API5: variants seen among roughly 807,000 people sequenced by gnomAD.
API5 encodes the protein apoptosis inhibitor 5.
API5 carries 6 observed loss-of-function variants against 71.9 expected under a neutral mutation model. The ratio of observed to expected loss-of-function variants is 0.08; its 90% CI spans 0.05 to 0.16. The LOEUF (loss-of-function observed/expected upper bound fraction) is 0.16, where lower values mean the gene tolerates loss of function less well. Among genes scored for constraint, API5 ranks in the 10% least tolerant of loss-of-function variants. The pLI is 1.00. For missense variants in API5, 332 were observed against 612.8 expected (o/e 0.54, Z 4.84); for synonymous variants, 189 against 221.3 (o/e 0.85, Z 1.30).
intron 13 of API5, among the ~76,000 whole-genome samples, chr11:43,338,763 C>A (rs1033696977): frequency 4.0e-5 from 6 of 151,110 alleles, no homozygotes; most frequent in Non-Finnish European, 8.8e-5. Context: ...TAGAGTGTAA[C>A]CTGAATTCAT....
At chr11:43,341,139 C>T (rs540380799) in intron 13 of API5, among the ~76,000 whole-genome samples, 3 of 152,050 alleles carry the variant, frequency 2.0e-5, no homozygotes, top group African/African-American at 7.2e-5. Context: ...CAAAAGAAGA[C>T]GTACAAATGG....
intron 1 of API5, among the ~76,000 whole-genome samples, chr11:43,314,677 C>G (rs534210624): frequency 2.0e-5 from 3 of 152,194 alleles, no homozygotes; most frequent in Non-Finnish European, 4.4e-5. Flanking sequence ...TGTCAAGCAA[C>G]TATTTAAACA....
intron 13 of API5, 60 bp from the exon 14 acceptor site, chr11:43,342,368 T>C (rs1855646431): frequency 7.0e-7 from 1 of 1,428,636 alleles, no homozygotes; most frequent in Non-Finnish European, 9.5e-7. Flanking sequence ...ACGTTTCTTC[T>C]GCGTTTGCTG....
rs901942983 is a variant in API5, at chr11:43,330,285, C to T, written c.1222-223C>T. On this transcript the variant is annotated intron_variant, in intron 10 of 13. Transcript: ENST00000531273. ...TACTCATTTTTTAGCTACATTCTAA[C>T]CTGTCAAGGGAACACAGATTATTTG... 4 of 615,664 alleles carry T rather than the reference C, an allele frequency of 6.5e-6. No homozygotes were observed. The Admixed American group carries it at 9.4e-5, about 15-fold the overall frequency. The allele number at this position is 615,664 out of a possible 1,614,324, so 38.1% of individuals were successfully genotyped here. A position where few individuals can be genotyped will look rare whatever the true frequency, so the allele number is the denominator to read the frequency against.
intron 6 of API5, 23 bp from the exon 7 acceptor site, chr11:43,326,484 C>T (rs1855079005): frequency 7.0e-7 from 1 of 1,427,508 alleles, no homozygotes; most frequent in Admixed American, 1.8e-5. Flanking sequence ...TTCGACAATG[C>T]ATTTTCTTTG....
intron 9 of API5, 38 bp from the exon 10 acceptor site, chr11:43,329,927 G>A: frequency 6.4e-7 from 1 of 1,570,598 alleles, no homozygotes. Flanking sequence ...CAAAATTGAA[G>A]TGATGAATTG....
chr11:43,341,657 T>G (rs373638616), intron 13 of API5, among the ~76,000 whole-genome samples: 1 of 152,146 alleles, frequency 6.6e-6, no homozygotes, highest in Non-Finnish European at 1.5e-5. Flanking sequence ...AGCCCTAGTG[T>G]TGTGTACCAC....
chr11:43,334,808 G>T (rs557666024), intron 11 of API5, among the ~76,000 whole-genome samples: 1 of 151,672 alleles, frequency 6.6e-6, no homozygotes. Flanking sequence ...AGTTTTAGTG[G>T]TTTTTTTTGT....
At chr11:43,314,621 A>G (rs1854607421) in intron 1 of API5, among the ~76,000 whole-genome samples, 1 of 152,200 alleles carries the variant, frequency 6.6e-6, no homozygotes, top group Non-Finnish European at 1.5e-5. Flanking sequence ...AATTTAACAC[A>G]ATTCTCTGTA....
intron 12 of API5, 76 bp from the exon 13 acceptor site, chr11:43,335,781 AT>A (rs1661447080): frequency 6.9e-7 from 1 of 1,450,998 alleles, no homozygotes; most frequent in Non-Finnish European, 9.2e-7. Flanking sequence ...CCTAACTGAT[AT>A]GCTAAATTAT....
Position 43,326,584 on chromosome 11 carries a change from A to G in API5, c.828A>G (p.Pro276=), listed in dbSNP as rs1252123478. ...CTAACCTCGGTACCTTGACTACCCC[A>G]GTGGAAGGTCTTGATATACAGTTGG... ...VLPNLGTLTT[P]VEGLDIQLEV... is the part of the protein sequence containing the mutation. The change falls in exon 7 of 14, where the codon CCA becomes CCG. Residue 276 remains proline (P), a synonymous_variant. Coordinates refer to ENST00000531273, the MANE Select transcript of API5 (RefSeq NM_001142930.2). 2 of 1,609,080 alleles carry G rather than the reference A, an allele frequency of 1.2e-6. No individual in the cohort carries two copies. Among genetic ancestry groups the G allele is most frequent in the Non-Finnish European group, 1.7e-6 (2 of 1,177,080 alleles).
At chr11:43,312,915 T>A (rs1854534267) in intron 1 of API5, among the ~76,000 whole-genome samples, 1 of 152,040 alleles carries the variant, frequency 6.6e-6, no homozygotes, top group Non-Finnish European at 1.5e-5. Flanking sequence ...GAGACCAGCC[T>A]GACCCACATG....
At chr11:43,326,168 A>AT (rs1239898805) in intron 6 of API5, among the ~76,000 whole-genome samples, 2 of 152,200 alleles carry the variant, frequency 1.3e-5, no homozygotes, top group African/African-American at 4.8e-5. Flanking sequence ...AAAAGACTGC[A>AT]TTGACATGGT....
chr11:43,323,835 A>G (rs1854976619), intron 6 of API5, among the ~76,000 whole-genome samples, 199 bp downstream of exon 6: 1 of 152,124 alleles, frequency 6.6e-6, no homozygotes, highest in Non-Finnish European at 1.5e-5. Flanking sequence ...AAAACCTGAA[A>G]TGCTTTAATG....
chr11:43,340,305 C>G (rs562681237), intron 13 of API5: 81 of 240,194 alleles, frequency 3.4e-4, no homozygotes, highest in African/African-American at 1.7e-3. Flanking sequence ...TTGAAAGACA[C>G]TCCGTACTCA....
In API5 at chr11:43,335,339, A is replaced by G. The variant is rs761299325; in HGVS notation, c.1340A>G (p.Gln447Arg). ...GTAACACTATCCTGGAAACCTGTAC[A>G]AAAGGTTGAGATTGGGTAAGAAATA... is the stretch of plus-strand genomic sequence containing the variant. ...STVTLSWKPV[Q>R]KVEIGQKRAS... The change falls in exon 12 of 14, where the codon CAA becomes CGA. Residue 447 changes from glutamine (Q) to arginine (R), a missense_variant. Coordinates refer to ENST00000531273, the MANE Select transcript of API5 (RefSeq NM_001142930.2). The G allele has an allele frequency of 1.4e-5, 22 of 1,597,642 alleles. No homozygotes were observed. The Admixed American group carries it at 3.7e-4, about 27-fold the overall frequency.
rs1483002899 is a variant in API5 at position 43,321,401 on chromosome 11, C to G, written c.326-10C>G. 1 of 1,598,468 alleles carries G rather than the reference C, an allele frequency of 6.3e-7. No homozygotes were observed. Among genetic ancestry groups the G allele is most frequent in the South Asian group, 1.1e-5 (1 of 88,226 alleles). ...TTTTATATTCATTATGCCACTTTTT[C>G]TTTATCCAGATGACTCTGCAGAATT... On this transcript the variant is annotated splice_polypyrimidine_tract_variant and intron_variant, in intron 3 of 13. Coordinates refer to ENST00000531273, the MANE Select transcript of API5 (RefSeq NM_001142930.2).
chr11:43,323,541 G>C lies in API5; in HGVS notation c.655G>C (p.Glu219Gln). The C allele has an allele frequency of 1.2e-6, 2 of 1,614,184 alleles. No individual in the cohort carries two copies. Among genetic ancestry groups the C allele is most frequent in the Non-Finnish European group, 1.7e-6 (2 of 1,180,018 alleles). Residue 219 changes from glutamate to glutamine, a missense_variant, in exon 6 of 14, where the codon GAA becomes CAA. By Grantham distance (29) the Glu-to-Gln change is conservative. This residue lies in a region of API5 where 37 missense variants were observed against 31.3 expected (regional missense o/e 1.18). Coordinates refer to ENST00000531273, the MANE Select transcript of API5 (RefSeq NM_001142930.2). ...ACAGCAACTTGTAGAGTTGGTGGCT[G>C]AACAGGCCGACCTAGAACAGACCTT... Reference protein sequence around the residue: ...GRQQLVELVAEQADLEQTFNP... With the variant: ...GRQQLVELVAQQADLEQTFNP...
At chr11:43,323,369 G>A (rs1854959208) in intron 5 of API5, 61 bp from the exon 6 acceptor site, 1 of 1,375,974 alleles carries the variant, frequency 7.3e-7, no homozygotes, top group Non-Finnish European at 1.0e-6. Flanking sequence ...TTCTCTTTCA[G>A]TGTTGATCTG....
Sources: allele counts gnomAD v4.1 joint callset (sites outside exome capture counted in the v4.1 genomes callset), GRCh38; gene constraint gnomAD v4.1.1; regional missense constraint gnomAD v4.1.1; transcripts MANE v1.5; gene names NCBI Gene and HGNC (gene_info 2026-07-23, HGNC 2026-07-21).